Variants in SLC36A1 observed in about 807,000 individuals in gnomAD.
SLC36A1 encodes solute carrier family 36 member 1, also known as proton-coupled amino acid transporter 1.
SLC36A1 carries 30 observed loss-of-function variants against 47.5 expected under a neutral mutation model. That is an observed-to-expected ratio of 0.63 (90% confidence interval 0.47 to 0.86). SLC36A1 has a LOEUF of 0.86. SLC36A1 is among the 40% of genes least tolerant of loss of function. The probability of loss-of-function intolerance (pLI) is 0.00; values close to 1 mark genes in which losing one functional copy is unlikely to be tolerated. For missense variants in SLC36A1, 517 were observed against 606.0 expected (o/e 0.85, Z 1.54); for synonymous variants, 255 against 249.7 (o/e 1.02, Z -0.20).
At chr5:151,476,315 G>A (rs895745468) in intron 8 of SLC36A1, among the ~76,000 whole-genome samples, 1 of 152,240 alleles carries the variant, frequency 6.6e-6, no homozygotes, top group Non-Finnish European at 1.5e-5. Context: ...GGATCCTGCA[G>A]CAGGAGGACA....
chr5:151,555,367 CTTTT>C, the SLC36A1 span, among the ~76,000 whole-genome samples: 614 of 123,084 alleles, frequency 5.0e-3, 4 homozygotes, highest in African/African-American at 0.019. Context: ...TAATATATTT[CTTTT>C]TTTTTTTTTT....
At chr5:151,463,918 G>A (rs1038234720) in intron 3 of SLC36A1, among the ~76,000 whole-genome samples, 1 of 152,210 alleles carries the variant, frequency 6.6e-6, no homozygotes, top group Non-Finnish European at 1.5e-5. Flanking sequence ...GATGTACTGA[G>A]ATGGCTCGAG....
chr5:151,471,030 T>C (rs1757244452), intron 7 of SLC36A1: 1 of 152,216 alleles, frequency 6.6e-6, no homozygotes, highest in African/African-American at 2.4e-5. Flanking sequence ...CATCTCACAA[T>C]CCATGTGTAC....
chr5:151,457,423 G>A (rs1181653480), intron 1 of SLC36A1, among the ~76,000 whole-genome samples: 4 of 151,964 alleles, frequency 2.6e-5, no homozygotes, highest in African/African-American at 7.3e-5. Context: ...CTTCTCTTTT[G>A]TGTAGTATTA....
At chr5:151,533,506 G>A in the SLC36A1 span, among the ~76,000 whole-genome samples, 294 of 150,720 alleles carry the variant, frequency 2.0e-3, 2 homozygotes, top group African/African-American at 7.0e-3. Flanking sequence ...TACATCCCTC[G>A]AATATCTCAC....
intron 10 of SLC36A1, among the ~76,000 whole-genome samples, chr5:151,484,976 C>T (rs1759325368): frequency 6.6e-6 from 1 of 152,108 alleles, no homozygotes; most frequent in South Asian, 2.1e-4. Flanking sequence ...GGCAGGGAGA[C>T]CCAGACCCCA....
At chr5:151,445,897 G>A (rs1346073408), upstream of SLC36A1, among the ~76,000 whole-genome samples, 1 of 150,890 alleles carries the variant, frequency 6.6e-6, no homozygotes, top group African/African-American at 2.4e-5. Context: ...CAAAGGGTAC[G>A]TCAATTTAAT....
At chr5:151,549,287 C>G in the SLC36A1 span, 7 of 1,611,960 alleles carry the variant, frequency 4.3e-6, no homozygotes, top group Non-Finnish European at 5.9e-6. Context: ...CATGGCCAGG[C>G]CTCTCACCTT....
the SLC36A1 span, among the ~76,000 whole-genome samples, chr5:151,503,341 C>T: frequency 6.8e-6 from 1 of 148,028 alleles, no homozygotes; most frequent in Admixed American, 6.6e-5. Flanking sequence ...TATCGCTGTA[C>T]CTTCCATTCA....
upstream of SLC36A1, among the ~76,000 whole-genome samples, chr5:151,442,997 A>G (rs1186133101): frequency 6.6e-6 from 1 of 152,118 alleles, no homozygotes; most frequent in African/African-American, 2.4e-5. Context: ...TTTTAGAAAA[A>G]TGTTTGTATA....
At chr5:151,406,215 C>T in the SLC36A1 span, among the ~76,000 whole-genome samples, 1 of 152,192 alleles carries the variant, frequency 6.6e-6, no homozygotes, top group Non-Finnish European at 1.5e-5. Context: ...CACCAGGAAA[C>T]CTGCAGATCC....
chr5:151,399,084 A>ATATATATATATATATATATTTT, the SLC36A1 span, among the ~76,000 whole-genome samples: 3 of 60,066 alleles, frequency 5.0e-5, no homozygotes, highest in African/African-American at 1.1e-4. Flanking sequence ...ATATATATAT[A>ATATATATATATATATATATTTT]TTTTTTTTTT....
downstream of SLC36A1, among the ~76,000 whole-genome samples, chr5:151,493,365 C>T (rs1466248699): frequency 1.3e-5 from 2 of 152,276 alleles, no homozygotes; most frequent in African/African-American, 4.8e-5. Context: ...AGGACGAGGG[C>T]TCAGTCCCCA....
chr5:151,411,626 C>G, the SLC36A1 span, among the ~76,000 whole-genome samples: 3 of 144,840 alleles, frequency 2.1e-5, no homozygotes, highest in African/African-American at 7.5e-5. Context: ...GGGGTCCACC[C>G]CTGAGTTGGT....
chr5:151,540,284 G>A, the SLC36A1 span, among the ~76,000 whole-genome samples: 22 of 152,266 alleles, frequency 1.4e-4, no homozygotes, highest in African/African-American at 5.3e-4. Flanking sequence ...GCTTGCTGGG[G>A]AGAAGCAAGA....
chr5:151,542,490 G>T, the SLC36A1 span: 1 of 1,614,186 alleles, frequency 6.2e-7, no homozygotes, highest in Non-Finnish European at 8.5e-7. Flanking sequence ...TCTGTCCGTG[G>T]TCATAGGCCA....
At chr5:151,366,521 T>C in the SLC36A1 span, 1 of 299,344 alleles carries the variant, frequency 3.3e-6, no homozygotes, top group Non-Finnish European at 6.7e-6. Context: ...TTGGTGATGA[T>C]GAGGGAGCTC....
the SLC36A1 span, chr5:151,542,934 T>G: frequency 6.2e-7 from 1 of 1,614,216 alleles, no homozygotes; most frequent in Non-Finnish European, 8.5e-7. Flanking sequence ...TGCTCTCAGG[T>G]GTAGTGCCCC....
At chr5:151,388,230 G>A in the SLC36A1 span, among the ~76,000 whole-genome samples, 11 of 152,214 alleles carry the variant, frequency 7.2e-5, no homozygotes, top group African/African-American at 1.9e-4. Context: ...TGGTCTTGGC[G>A]GTGGCTCATG....
Sources: gnomAD v4.1 joint callset for allele counts (sites outside exome capture counted in the v4.1 genomes callset) on GRCh38, gnomAD v4.1.1 for gene constraint, MANE v1.5 for transcripts, NCBI Gene and HGNC (gene_info 2026-07-23, HGNC 2026-07-21) for gene names.